PTPRM: variants seen among roughly 807,000 people sequenced by gnomAD.
The protein encoded by PTPRM is protein tyrosine phosphatase receptor type M, also known as receptor-type tyrosine-protein phosphatase mu.
PTPRM carries 47 observed loss-of-function variants against 186.7 expected under a neutral mutation model. The observed-to-expected ratio is 0.25, with a 90% confidence interval of 0.20 to 0.32. The LOEUF (loss-of-function observed/expected upper bound fraction) is 0.32. Ranked by LOEUF, PTPRM falls within the 10% of genes least tolerant of loss-of-function variation. The pLI, the probability that PTPRM is intolerant of heterozygous loss-of-function variation, is 1.00. For missense variants in PTPRM, 1,494 were observed against 1,865.0 expected (o/e 0.80, Z 3.66); for synonymous variants, 668 against 674.9 (o/e 0.99, Z 0.16).
intron 7 of PTPRM, among the ~76,000 whole-genome samples, chr18:7,967,053 C>T (rs1289452418): frequency 1.4e-5 from 1 of 73,294 alleles, no homozygotes; most frequent in Non-Finnish European, 3.3e-5. Context: ...CTTAAATGTC[C>T]CTGTCTGACA....
chr18:8,145,937 A>G (rs9675372), intron 14 of PTPRM, among the ~76,000 whole-genome samples: 29 of 152,120 alleles, frequency 1.9e-4, no homozygotes, highest in African/African-American at 6.3e-4. Context: ...GAACTAATTT[A>G]CAGTTCCACC....
intron 5 of PTPRM, among the ~76,000 whole-genome samples, chr18:7,938,542 T>C (rs1235381409): frequency 6.6e-6 from 1 of 152,226 alleles, no homozygotes; most frequent in East Asian, 1.9e-4. Context: ...TAGTTTGATT[T>C]GGCCAAGTTA....
At chr18:8,237,306 A>G (rs2094356032) in intron 14 of PTPRM, among the ~76,000 whole-genome samples, 1 of 149,886 alleles carries the variant, frequency 6.7e-6, no homozygotes, top group African/African-American at 2.5e-5. Context: ...ACTTTTACTA[A>G]TTCCTTCTCT....
chr18:8,281,735 A>G (rs966806834), intron 19 of PTPRM, among the ~76,000 whole-genome samples: 9 of 152,130 alleles, frequency 5.9e-5, no homozygotes, highest in Non-Finnish European at 1.2e-4. Flanking sequence ...GTCTCCTAAC[A>G]TATCCAGTAT....
At chr18:8,329,139 GC>G (rs1257419632) in intron 22 of PTPRM, among the ~76,000 whole-genome samples, 1 of 152,172 alleles carries the variant, frequency 6.6e-6, no homozygotes, top group African/African-American at 2.4e-5. Context: ...TAAAACAAAT[GC>G]TTTTTAAACC....
At chr18:8,373,185 T>C (rs777594290) in intron 24 of PTPRM, among the ~76,000 whole-genome samples, 33 of 152,346 alleles carry the variant, frequency 2.2e-4, no homozygotes, top group Non-Finnish European at 4.1e-4. Flanking sequence ...GCATTTCTTA[T>C]AGGTTTTAAA....
chr18:8,010,356 T>G (rs191228335), intron 7 of PTPRM, among the ~76,000 whole-genome samples: 272 of 152,292 alleles, frequency 1.8e-3, no homozygotes, highest in Non-Finnish European at 3.2e-3. Flanking sequence ...TTGTCCAGAT[T>G]TTCATCATTA....
chr18:7,594,856 C>T (rs1237222239), intron 1 of PTPRM, among the ~76,000 whole-genome samples: 3 of 152,170 alleles, frequency 2.0e-5, no homozygotes, highest in Non-Finnish European at 4.4e-5. Flanking sequence ...TGATGTATAA[C>T]TGATTTGATT....
intron 1 of PTPRM, among the ~76,000 whole-genome samples, chr18:7,597,452 A>G (rs565336511): frequency 1.3e-5 from 2 of 152,256 alleles, no homozygotes; most frequent in South Asian, 4.1e-4. Flanking sequence ...TTGACTTACT[A>G]GAGTCAGTTT....
intron 1 of PTPRM, among the ~76,000 whole-genome samples, chr18:7,736,798 A>AGGCCAGGCAG (rs1370474816): frequency 6.6e-6 from 1 of 152,178 alleles, no homozygotes; most frequent in Non-Finnish European, 1.5e-5. Context: ...TACTGGGTTT[A>AGGCCAGGCAG]GGCCAGGCAG....
At chr18:7,777,795 A>G (rs1410629580) in intron 2 of PTPRM, among the ~76,000 whole-genome samples, 1 of 152,056 alleles carries the variant, frequency 6.6e-6, no homozygotes, top group Non-Finnish European at 1.5e-5. Flanking sequence ...TCGTGATGTG[A>G]TTTTCTTTAT....
chr18:7,955,361 A>T lies in PTPRM; in HGVS notation c.1079A>T (p.Glu360Val), dbSNP rs756152280. ...AGTGTGCTCCTGACCAGGCCAGGGG[A>T]GGGTGGCACTGGCTCTCCTGGTCCA... ...EISVLLTRPG[E>V]GGTGSPGPAL... The change falls in exon 7 of 33, where the codon GAG becomes GTG. Residue 360 changes from glutamate to valine, a missense_variant. By Grantham distance (121) the Glu-to-Val change is moderately radical (BLOSUM62 -2). Around this residue, in one of 3 missense-constraint regions of PTPRM, gnomAD observed 91 missense variants for 169.3 expected, o/e 0.54. Coordinates refer to ENST00000580170, the MANE Select transcript of PTPRM (RefSeq NM_001105244.2). The T allele has an allele frequency of 1.2e-6, 2 of 1,613,966 alleles. No individual in the cohort carries two copies. The highest frequency in any genetic ancestry group is 2.7e-5 in the African/African-American group (2 of 74,920).
At chr18:7,913,194 C>CT (rs2050375341) in intron 4 of PTPRM, among the ~76,000 whole-genome samples, 1 of 151,288 alleles carries the variant, frequency 6.6e-6, no homozygotes, top group South Asian at 2.1e-4. Context: ...TCTTGTATCC[C>CT]GAGATCTTGA....
At chr18:7,575,336 C>CAAG (rs2036662850) in intron 1 of PTPRM, among the ~76,000 whole-genome samples, 1 of 152,184 alleles carries the variant, frequency 6.6e-6, no homozygotes, top group Non-Finnish European at 1.5e-5. Context: ...CTGCCTGAGC[C>CAAG]AAGCAAGGTC....
chr18:8,140,184 G>A (rs987369454), intron 13 of PTPRM, among the ~76,000 whole-genome samples: 16 of 152,046 alleles, frequency 1.1e-4, no homozygotes, highest in Non-Finnish European at 2.1e-4. Flanking sequence ...ATGGTCAGTA[G>A]CTCTGGGCAC....
intron 11 of PTPRM, among the ~76,000 whole-genome samples, chr18:8,095,834 T>C (rs2090990103): frequency 6.6e-6 from 1 of 152,168 alleles, no homozygotes; most frequent in African/African-American, 2.4e-5. Flanking sequence ...TGGGGTATTG[T>C]TAAAGTGAAT....
intron 19 of PTPRM, among the ~76,000 whole-genome samples, chr18:8,265,015 C>T (rs1393415581): frequency 1.3e-5 from 2 of 152,160 alleles, no homozygotes; most frequent in African/African-American, 4.8e-5. Flanking sequence ...CATGAAGACA[C>T]AGACCTATGG....
At chr18:7,903,226 G>C (rs938243844) in intron 3 of PTPRM, among the ~76,000 whole-genome samples, 1 of 152,220 alleles carries the variant, frequency 6.6e-6, no homozygotes, top group Non-Finnish European at 1.5e-5. Context: ...GAATAAGAGA[G>C]AAGAAGGAAG....
chr18:7,879,662 T>C (rs1048232597), intron 2 of PTPRM, among the ~76,000 whole-genome samples: 1 of 152,234 alleles, frequency 6.6e-6, no homozygotes, highest in African/African-American at 2.4e-5. Flanking sequence ...TGGTATTTAA[T>C]ATAAATGTCT....
Sources: gnomAD v4.1 joint callset for allele counts (sites outside exome capture counted in the v4.1 genomes callset) on GRCh38, gnomAD v4.1.1 for gene constraint, gnomAD v4.1.1 regional missense constraint, MANE v1.5 for transcripts, NCBI Gene and HGNC (gene_info 2026-07-23, HGNC 2026-07-21) for gene names.